Variants in UBTD1 observed in about 807,000 individuals in gnomAD.
The protein encoded by UBTD1 is ubiquitin domain-containing protein 1.
A neutral mutation model predicts 21.7 loss-of-function variants in UBTD1; 19 were observed. The ratio of observed to expected loss-of-function variants is 0.87; its 90% CI spans 0.61 to 1.28. The LOEUF is 1.28. UBTD1 is among the 50% of genes most tolerant of loss of function. The pLI, the probability that UBTD1 is intolerant of heterozygous loss-of-function variation, is 0.00. For synonymous variants in UBTD1, 116 were observed against 135.1 expected (o/e 0.86, Z 0.98); for missense variants, 282 against 315.1 (o/e 0.89, Z 0.80).
chr10:97,562,930 A>G (rs1323690370), intron 1 of UBTD1, among the ~76,000 whole-genome samples: 1 of 152,130 alleles, frequency 6.6e-6, no homozygotes, highest in Non-Finnish European at 1.5e-5. Context: ...GGGGGGTGGT[A>G]TGGAGAGATA....
intron 1 of UBTD1, among the ~76,000 whole-genome samples, chr10:97,540,027 C>T (rs1330389685): frequency 6.6e-6 from 1 of 152,198 alleles, no homozygotes; most frequent in Non-Finnish European, 1.5e-5. Flanking sequence ...GGGCTGCCAC[C>T]TCCCATCTGG....
intron 1 of UBTD1, among the ~76,000 whole-genome samples, chr10:97,523,974 C>T (rs908173631): frequency 3.3e-5 from 5 of 152,060 alleles, no homozygotes; most frequent in East Asian, 1.9e-4. Context: ...TGGGGAGACC[C>T]GTAAGAGGGG....
rs116387466 is a variant in UBTD1 at position 97,535,219 on chromosome 10, G to C, written c.71-32695G>C. 7.9e-3 allele frequency among the ~76,000 whole-genome samples: 1,197 copies of C among 152,296 alleles called. 18 individuals are homozygous for C. Among genetic ancestry groups the C allele is most frequent in the African/African-American group, 0.027 (1,136 of 41,556 alleles). On this transcript the variant is annotated intron_variant, in intron 1 of 2. Coordinates refer to ENST00000370664, the MANE Select transcript of UBTD1 (RefSeq NM_024954.5). Reference sequence around the variant, plus strand: ...TCCTTTCTGGACTGGCCTGCTACCAGCTCCGTGTGAACGGCTAGTTCCCAT... The same window carrying C: ...TCCTTTCTGGACTGGCCTGCTACCACCTCCGTGTGAACGGCTAGTTCCCAT...
intron 1 of UBTD1, among the ~76,000 whole-genome samples, chr10:97,515,184 G>T (rs990135460): frequency 6.6e-6 from 1 of 152,208 alleles, no homozygotes; most frequent in African/African-American, 2.4e-5. Context: ...GCCTGCTCCT[G>T]CCTGCCTTTC....
chr10:97,501,847 G>A (rs1456594742), intron 1 of UBTD1, among the ~76,000 whole-genome samples: 3 of 152,088 alleles, frequency 2.0e-5, no homozygotes, highest in African/African-American at 4.8e-5. Flanking sequence ...TGACAAGTCT[G>A]CCATTTCCCC....
intron 1 of UBTD1, among the ~76,000 whole-genome samples, chr10:97,565,024 T>G (rs1441546768): frequency 6.6e-6 from 1 of 152,206 alleles, no homozygotes; most frequent in African/African-American, 2.4e-5. Context: ...CAAACCAATG[T>G]ATATCTCACA....
chr10:97,521,144 A>ACAG (rs2040465442), intron 1 of UBTD1, among the ~76,000 whole-genome samples: 1 of 152,118 alleles, frequency 6.6e-6, no homozygotes, highest in Non-Finnish European at 1.5e-5. Context: ...TAACCTTGTT[A>ACAG]TTTAATCTGT....
Position 97,570,100 on chromosome 10 carries a change from T to A in UBTD1, c.299-38T>A. On this transcript the variant is annotated intron_variant, in intron 2 of 2. Transcript: ENST00000370664. This position sits in a 1 kb window ranked among gnomAD's most constrained non-coding sequence, Gnocchi z 6.6. ...CAAACATTTAATCCATGATAGTGGA[T>A]CCCCAAGCTGACTCTGACAGCCCTG... is the stretch of plus-strand genomic sequence containing the variant. 1 of 1,565,252 alleles carries A rather than the reference T, an allele frequency of 6.4e-7. No individual in the cohort carries two copies. Among genetic ancestry groups the A allele is most frequent in the Non-Finnish European group, 8.7e-7 (1 of 1,153,256 alleles).
intron 1 of UBTD1, among the ~76,000 whole-genome samples, chr10:97,545,402 G>GTGTGTA (rs1398027698): frequency 1.2e-5 from 1 of 81,894 alleles, no homozygotes; most frequent in African/African-American, 4.3e-5. Context: ...GTGTGTGTGT[G>GTGTGTA]TGTGTGTGGG....
chr10:97,513,470 T>C (rs1466389010), intron 1 of UBTD1, among the ~76,000 whole-genome samples: 1 of 152,202 alleles, frequency 6.6e-6, no homozygotes, highest in Non-Finnish European at 1.5e-5. Flanking sequence ...GTGGTGGGAC[T>C]CAAGTTGCTC....
chr10:97,569,069 C>T (rs1235774903), intron 2 of UBTD1, among the ~76,000 whole-genome samples: 2 of 152,198 alleles, frequency 1.3e-5, no homozygotes, highest in African/African-American at 4.8e-5. Flanking sequence ...GTGATCCGCC[C>T]GCCTTGGCCT....
intron 1 of UBTD1, among the ~76,000 whole-genome samples, chr10:97,500,294 G>C (rs2040359468): frequency 6.6e-6 from 1 of 152,240 alleles, no homozygotes; most frequent in Non-Finnish European, 1.5e-5. Flanking sequence ...GGAAACTCTA[G>C]TTGGAGTTTC....
chr10:97,508,513 A>G (rs1255476380), intron 1 of UBTD1, among the ~76,000 whole-genome samples: 3 of 152,064 alleles, frequency 2.0e-5, no homozygotes, highest in African/African-American at 7.2e-5. Context: ...CAGAGCTGGA[A>G]CTCAGCCTGA....
At chr10:97,518,050 G>C (rs2040452107) in intron 1 of UBTD1, among the ~76,000 whole-genome samples, 1 of 152,208 alleles carries the variant, frequency 6.6e-6, no homozygotes, top group African/African-American at 2.4e-5. Flanking sequence ...TCCTTGGCCT[G>C]CTTCCCAGGG....
chr10:97,558,799 G>A (rs367774751), intron 1 of UBTD1, among the ~76,000 whole-genome samples: 148 of 152,128 alleles, frequency 9.7e-4, no homozygotes, highest in East Asian at 5.6e-3. Flanking sequence ...TATTCCTTGC[G>A]GGGCTTCGAT....
intron 1 of UBTD1, among the ~76,000 whole-genome samples, chr10:97,556,829 A>G (rs1450059190): frequency 6.6e-6 from 1 of 152,218 alleles, no homozygotes; most frequent in South Asian, 2.1e-4. Flanking sequence ...GGGTGGGCCC[A>G]AACAGTCTGC....
intron 1 of UBTD1, among the ~76,000 whole-genome samples, chr10:97,556,403 T>C (rs975611046): frequency 2.0e-5 from 3 of 152,240 alleles, no homozygotes; most frequent in Admixed American, 6.5e-5. Context: ...TTTTGATAGA[T>C]AGCATTTCTC....
chr10:97,537,489 C>T (rs902945746), intron 1 of UBTD1, among the ~76,000 whole-genome samples: 3 of 152,216 alleles, frequency 2.0e-5, no homozygotes, highest in South Asian at 2.1e-4. Context: ...TGCCTCACCT[C>T]CCCTGTCACC....
At position 97,499,051 on chromosome 10, in the gene UBTD1, G is replaced by A. The variant is rs1215966466; in HGVS notation, c.-153G>A. ...CTCCCCTGGCCCGCAAAGTTTTGGC[G>A]GAGCCATCGCTGGGGCTGAGCGCGC... On this transcript the variant is annotated 5_prime_UTR_variant, in exon 1 of 3. Coordinates refer to ENST00000370664, the MANE Select transcript of UBTD1 (RefSeq NM_024954.5). 2 of 838,066 alleles carry A rather than the reference G, an allele frequency of 2.4e-6. No homozygotes were observed. The highest frequency in any genetic ancestry group is 3.2e-5 in the Admixed American group (1 of 31,380). 51.9% of individuals were successfully genotyped at this position (838,066 alleles called of 1,614,324 possible).
Sources: gnomAD v4.1 joint callset for allele counts (sites outside exome capture counted in the v4.1 genomes callset) on GRCh38, gnomAD v4.1.1 for gene constraint, Gnocchi (gnomAD v3.1) non-coding constraint, MANE v1.5 for transcripts, NCBI Gene and HGNC (gene_info 2026-07-23, HGNC 2026-07-21) for gene names.